Variants in VPS13B observed in about 807,000 individuals in gnomAD.
The protein encoded by VPS13B is intermembrane lipid transfer protein VPS13B.
VPS13B carries 285 observed loss-of-function variants against 426.4 expected under a neutral mutation model. The observed-to-expected ratio is 0.67, with a 90% CI of 0.61 to 0.74. The LOEUF (loss-of-function observed/expected upper bound fraction) is 0.74, where lower values mean the gene tolerates loss of function less well. Among genes scored for constraint, VPS13B ranks in the 30% least tolerant of loss-of-function variants. The pLI is 0.00. For missense variants in VPS13B, 4,537 were observed against 4,782.6 expected (o/e 0.95, Z 1.51); for synonymous variants, 1,676 against 1,676.4 (o/e 1.00, Z 0.01).
At chr8:99,820,546 C>T (rs1814299727) in intron 49 of VPS13B, among the ~76,000 whole-genome samples, 1 of 152,050 alleles carries the variant, frequency 6.6e-6, no homozygotes, top group African/African-American at 2.4e-5. Flanking sequence ...TGTCAGGGAC[C>T]CCTTTCCTTT....
intron 20 of VPS13B, chr8:99,389,776 A>T (rs1385171624): frequency 6.6e-6 from 1 of 152,184 alleles, no homozygotes; most frequent in Non-Finnish European, 1.5e-5. Context: ...GTGTATATTA[A>T]TTTTAATCCT....
At chr8:99,037,793 C>T (rs1394712558) in intron 2 of VPS13B, among the ~76,000 whole-genome samples, 1 of 150,436 alleles carries the variant, frequency 6.6e-6, no homozygotes, top group Non-Finnish European at 1.5e-5. Flanking sequence ...AAATTTATGA[C>T]CAAGTAGTAT....
intron 33 of VPS13B, among the ~76,000 whole-genome samples, chr8:99,590,148 A>T (rs1466368724): frequency 6.6e-6 from 1 of 152,106 alleles, no homozygotes; most frequent in East Asian, 1.9e-4. Flanking sequence ...GTATGCTGTC[A>T]TGGTGGTTTC....
chr8:99,235,030 T>G (rs528635606), intron 17 of VPS13B, among the ~76,000 whole-genome samples: 2 of 152,314 alleles, frequency 1.3e-5, no homozygotes, highest in South Asian at 4.1e-4. Context: ...TCAGTAATCT[T>G]AAAATAATAG....
chr8:99,435,820 T>C (rs982996672), intron 22 of VPS13B, among the ~76,000 whole-genome samples: 4 of 152,104 alleles, frequency 2.6e-5, no homozygotes, highest in African/African-American at 9.7e-5. Context: ...TTTTCCAGGT[T>C]AGGGGCAAAT....
rs558917500 is a variant in VPS13B, at chr8:99,043,819, A to G, written c.291+5253A>G. On this transcript the variant is annotated intron_variant, in intron 3 of 61. Coordinates refer to ENST00000357162, the MANE Select transcript of VPS13B (RefSeq NM_152564.5). Reference sequence around the variant, plus strand: ...CCTTATTTCTGTTCCATTTCAGCCAATCCCTTTATGGTTATGTTGTGGAGT... The same window carrying G: ...CCTTATTTCTGTTCCATTTCAGCCAGTCCCTTTATGGTTATGTTGTGGAGT... 3.9e-5 allele frequency among the ~76,000 whole-genome samples: 6 copies of G among 152,066 alleles called. No individual in the cohort carries two copies. In the East Asian group the frequency reaches 1.2e-3, roughly 29 times the overall value.
intron 35 of VPS13B, among the ~76,000 whole-genome samples, chr8:99,665,131 T>G (rs985834479): frequency 6.6e-6 from 1 of 152,262 alleles, no homozygotes; most frequent in Non-Finnish European, 1.5e-5. Context: ...GAGAAGTGTC[T>G]GTTCATATCC....
intron 56 of VPS13B, among the ~76,000 whole-genome samples, chr8:99,858,043 C>G (rs1242208434): frequency 4.6e-5 from 7 of 152,222 alleles, no homozygotes; most frequent in Admixed American, 2.0e-4. Flanking sequence ...CTGATCCCCT[C>G]AGATCGCTGA....
chr8:99,333,991 T>C (rs942906312), intron 19 of VPS13B, among the ~76,000 whole-genome samples: 1 of 152,012 alleles, frequency 6.6e-6, no homozygotes, highest in Non-Finnish European at 1.5e-5. Flanking sequence ...CTGTATTGTT[T>C]CTATTTTGTG....
chr8:99,206,502 T>A (rs1814732646), intron 17 of VPS13B, among the ~76,000 whole-genome samples: 1 of 152,170 alleles, frequency 6.6e-6, no homozygotes, highest in Admixed American at 6.5e-5. Flanking sequence ...TCCAACTCAT[T>A]AGGATCATGT....
chr8:99,544,684 G>C (rs975848787), intron 30 of VPS13B, among the ~76,000 whole-genome samples: 5 of 142,364 alleles, frequency 3.5e-5, no homozygotes, highest in African/African-American at 1.3e-4. Context: ...AATTTTGTAT[G>C]TGCTGCAAAA....
intron 8 of VPS13B, among the ~76,000 whole-genome samples, chr8:99,128,066 T>C (rs1009416383): frequency 6.6e-6 from 1 of 152,212 alleles, no homozygotes; most frequent in East Asian, 1.9e-4. Context: ...CCTTTTGATA[T>C]TACACTAAAG....
chr8:99,540,980 G>A (rs72674643), intron 30 of VPS13B, among the ~76,000 whole-genome samples: 26,496 of 151,802 alleles, frequency 0.17, 2,838 homozygotes, highest in East Asian at 0.38. Context: ...CTTTTTAGTC[G>A]TTATTCTGCT....
chr8:99,370,731 T>G (rs1441695712), intron 19 of VPS13B, among the ~76,000 whole-genome samples: 1 of 147,224 alleles, frequency 6.8e-6, no homozygotes, highest in Non-Finnish European at 1.5e-5. Flanking sequence ...TGCCTCAGCC[T>G]CCCAAGTAGC....
At chr8:99,388,379 A>G (rs759291216) in intron 20 of VPS13B, among the ~76,000 whole-genome samples, 2 of 152,180 alleles carry the variant, frequency 1.3e-5, no homozygotes, top group Non-Finnish European at 2.9e-5. Context: ...GGTATGTTGT[A>G]TTCTTTGTAA....
At chr8:99,271,626 C>T (rs76554663) in intron 17 of VPS13B, among the ~76,000 whole-genome samples, 1 of 152,156 alleles carries the variant, frequency 6.6e-6, no homozygotes, top group African/African-American at 2.4e-5. Flanking sequence ...AAAGGAAAGA[C>T]ACTTGATTGA....
intron 19 of VPS13B, among the ~76,000 whole-genome samples, chr8:99,278,932 T>A (rs999103377): frequency 1.3e-5 from 2 of 152,218 alleles, no homozygotes; most frequent in African/African-American, 2.4e-5. Context: ...ACATTCTGTA[T>A]TTATGGTTAT....
At chr8:99,875,318 A>G in intron 61 of VPS13B, 100 bp from the exon 62 acceptor site, 2 of 1,522,072 alleles carry the variant, frequency 1.3e-6, no homozygotes, top group Non-Finnish European at 1.8e-6. Flanking sequence ...AGATGACCTA[A>G]AAGGCATAAT....
Position 99,868,385 on chromosome 8 carries a change from C to T in VPS13B, c.11312C>T (p.Ser3771Leu), listed in dbSNP as rs142516047. 7.6e-5 allele frequency: 122 copies of T among 1,614,066 alleles called. No homozygotes were observed. Among genetic ancestry groups the T allele is most frequent in the African/African-American group, 2.4e-4 (18 of 75,028 alleles). ...GGACACAAGGCCAAGGGTGTCATCT[C>T]GGGTGTGGGGAAAGGAATCATGGGG... Reference protein sequence around the residue: ...SAGHKAKGVISGVGKGIMGVF... With the variant: ...SAGHKAKGVILGVGKGIMGVF... Residue 3771 changes from serine (S) to leucine (L), a missense_variant, in exon 59 of 62, where the codon TCG becomes TTG. Ser to Leu is a moderately radical substitution (Grantham distance 145). Around this residue, in one of 2 missense-constraint regions of VPS13B, gnomAD observed 4,311 missense variants for 4,474.3 expected, o/e 0.96. Coordinates refer to ENST00000357162, the MANE Select transcript of VPS13B (RefSeq NM_152564.5).
Sources: gnomAD v4.1 joint callset for allele counts (sites outside exome capture counted in the v4.1 genomes callset) on GRCh38, gnomAD v4.1.1 for gene constraint, gnomAD v4.1.1 regional missense constraint, MANE v1.5 for transcripts, NCBI Gene and HGNC (gene_info 2026-07-23, HGNC 2026-07-21) for gene names.